The following C8orf34 variants were observed in gnomAD, a reference collection of about 807,000 sequenced individuals.
C8orf34 encodes chromosome 8 open reading frame 34, also known as uncharacterized protein C8orf34.
In C8orf34, 65 loss-of-function variants were observed where a neutral mutation model predicts 68.3. That is an observed-to-expected ratio of 0.95 (90% confidence interval 0.78 to 1.17). C8orf34 has a LOEUF of 1.17. Among genes scored for constraint, C8orf34 ranks in the 50% most tolerant of loss-of-function variants. C8orf34 has a pLI of 0.00. For synonymous variants in C8orf34, 244 were observed against 241.2 expected (o/e 1.01, Z -0.11); for missense variants, 664 against 655.4 (o/e 1.01, Z -0.14).
chr8:68,441,809 G>C (rs1810921723), intron 2 of C8orf34, among the ~76,000 whole-genome samples: 1 of 152,164 alleles, frequency 6.6e-6, no homozygotes, highest in African/African-American at 2.4e-5. Flanking sequence ...TAAAAGTCCT[G>C]TCTGCATTTG....
chr8:68,782,077 A>C (rs1280657551), intron 11 of C8orf34, among the ~76,000 whole-genome samples: 6 of 152,212 alleles, frequency 3.9e-5, no homozygotes, highest in South Asian at 2.1e-4. Context: ...TAAATTAAAA[A>C]CACTTTTTCA....
At chr8:68,572,234 GACAC>G (rs36042681) in intron 7 of C8orf34, among the ~76,000 whole-genome samples, 27,848 of 145,156 alleles carry the variant, frequency 0.19, 3,192 homozygotes, top group African/African-American at 0.33. Context: ...TGACTGTATA[GACAC>G]ACACACACAC....
rs534813159 is a variant in C8orf34, at chr8:68,466,002, T to TA, written c.608-2690_608-2689insA. ...AAGAAATTCTAATAAAAAAAGAAAA[T>TA]TTGGTGCGTATACACAATGAAATAC... On this transcript the variant is annotated intron_variant, in intron 3 of 13. Transcript: ENST00000518698. 2.0e-3 allele frequency among the ~76,000 whole-genome samples: 303 copies of TA among 148,006 alleles called. 1 individual carries two copies. Among genetic ancestry groups the TA allele is most frequent in the African/African-American group, 6.8e-3 (271 of 40,142 alleles).
At chr8:68,400,469 C>G (rs1215704479) in intron 1 of C8orf34, among the ~76,000 whole-genome samples, 1 of 152,112 alleles carries the variant, frequency 6.6e-6, no homozygotes, top group Non-Finnish European at 1.5e-5. Context: ...AGTGTATGTT[C>G]TTCTCAGCTT....
intron 3 of C8orf34, among the ~76,000 whole-genome samples, chr8:68,463,835 A>G (rs1166311166): frequency 6.6e-6 from 1 of 152,230 alleles, no homozygotes; most frequent in Admixed American, 6.5e-5. Flanking sequence ...AGCTGATATC[A>G]TACTGAATGG....
At chr8:68,410,045 C>T (rs1223633663) in intron 1 of C8orf34, among the ~76,000 whole-genome samples, 1 of 152,148 alleles carries the variant, frequency 6.6e-6, no homozygotes, top group Non-Finnish European at 1.5e-5. Context: ...GTGATGTTCC[C>T]ACAATGACAA....
intron 4 of C8orf34, among the ~76,000 whole-genome samples, chr8:68,480,294 A>T (rs1216530286): frequency 1.3e-5 from 2 of 152,136 alleles, no homozygotes; most frequent in Non-Finnish European, 2.9e-5. Context: ...TCTGCCATAT[A>T]AGAAATGTCT....
At chr8:68,539,603 G>A (rs1159055383) in intron 7 of C8orf34, among the ~76,000 whole-genome samples, 3 of 152,096 alleles carry the variant, frequency 2.0e-5, no homozygotes, top group Admixed American at 1.3e-4. Context: ...TGTAATCCCA[G>A]CACTTTGGGA....
At chr8:68,381,738 CAAAAAAAAAA>C (rs769290635) in intron 1 of C8orf34, among the ~76,000 whole-genome samples, 33 of 72,054 alleles carry the variant, frequency 4.6e-4, no homozygotes, top group Middle Eastern at 0.015. Context: ...GACTCCGTCT[CAAAAAAAAAA>C]AAAAAAAAAA....
rs1353767551 is a variant in C8orf34 at position 68,782,410 on chromosome 8, G to A, written c.1456-5033G>A. ...ATAAACACTGGTTTATACCTAAATGGTATATTCCAAGATTGAGTGTCTTTT... is the reference window on the plus strand; with the variant it reads ...ATAAACACTGGTTTATACCTAAATGATATATTCCAAGATTGAGTGTCTTTT... On this transcript the variant is annotated intron_variant, in intron 11 of 13. Coordinates refer to ENST00000518698, the MANE Select transcript of C8orf34 (RefSeq NM_052958.4). Among the ~76,000 whole-genome samples, 4 of 145,766 alleles carry A rather than the reference G, an allele frequency of 2.7e-5. 1 individual carries two copies. The Middle Eastern group carries it at 0.011, about 393-fold the overall frequency.
At chr8:68,538,600 G>GA (rs895500953) in intron 7 of C8orf34, among the ~76,000 whole-genome samples, 15 of 148,244 alleles carry the variant, frequency 1.0e-4, no homozygotes, top group Middle Eastern at 3.2e-3. Context: ...ACAGACAAAG[G>GA]AAAAAAAAAG....
intron 7 of C8orf34, among the ~76,000 whole-genome samples, chr8:68,564,652 G>T (rs1432965880): frequency 6.6e-6 from 1 of 152,166 alleles, no homozygotes; most frequent in East Asian, 1.9e-4. Flanking sequence ...CTTCCTCCTG[G>T]TTTGTGATCT....
intron 1 of C8orf34, among the ~76,000 whole-genome samples, chr8:68,366,527 A>G (rs1041581970): frequency 1.3e-5 from 2 of 150,934 alleles, no homozygotes; most frequent in African/African-American, 4.9e-5. Context: ...CCAAAACAGC[A>G]TGGTACTGGT....
chr8:68,753,723 C>T (rs1033458293), intron 10 of C8orf34, among the ~76,000 whole-genome samples: 1 of 152,142 alleles, frequency 6.6e-6, no homozygotes, highest in African/African-American at 2.4e-5. Flanking sequence ...CTGAGATAGG[C>T]CCTGTCCTAC....
intron 7 of C8orf34, among the ~76,000 whole-genome samples, chr8:68,636,163 T>C (rs969044154): frequency 6.6e-6 from 1 of 152,144 alleles, no homozygotes; most frequent in Non-Finnish European, 1.5e-5. Context: ...GCATTTGGCT[T>C]TCTCCAGTTG....
intron 8 of C8orf34, among the ~76,000 whole-genome samples, chr8:68,682,669 A>G (rs886921023): frequency 6.6e-6 from 1 of 152,130 alleles, no homozygotes; most frequent in Non-Finnish European, 1.5e-5. Context: ...CCTGTCTCCT[A>G]AAGTTATATT....
chr8:68,526,343 C>A (rs560370544), intron 6 of C8orf34, among the ~76,000 whole-genome samples: 39 of 152,154 alleles, frequency 2.6e-4, no homozygotes, highest in African/African-American at 9.4e-4. Flanking sequence ...TGAAAGTTTT[C>A]TTTTTATTTA....
intron 1 of C8orf34, among the ~76,000 whole-genome samples, chr8:68,350,595 C>T (rs1208286147): frequency 6.6e-6 from 1 of 151,962 alleles, no homozygotes; most frequent in East Asian, 1.9e-4. Flanking sequence ...TAAGAACTTG[C>T]TTTATGAATC....
chr8:68,650,688 C>T (rs1209971783), intron 8 of C8orf34, among the ~76,000 whole-genome samples: 1 of 151,984 alleles, frequency 6.6e-6, no homozygotes, highest in Non-Finnish European at 1.5e-5. Context: ...ACCGTTTTAG[C>T]CGGGATGGTC....
Sources: gnomAD v4.1 joint callset for allele counts (sites outside exome capture counted in the v4.1 genomes callset) on GRCh38, gnomAD v4.1.1 for gene constraint, MANE v1.5 for transcripts, NCBI Gene and HGNC (gene_info 2026-07-23, HGNC 2026-07-21) for gene names.